IREB2: variants seen among roughly 807,000 people sequenced by gnomAD.
IREB2 encodes the protein iron-responsive element-binding protein 2.
Under a neutral mutation model 118.8 loss-of-function variants are expected in IREB2, and 39 were observed. The observed-to-expected ratio is 0.33, with a 90% CI of 0.25 to 0.43. The LOEUF is 0.43. Among genes scored for constraint, IREB2 ranks in the 20% least tolerant of loss-of-function variants. The pLI, the probability that IREB2 is intolerant of heterozygous loss-of-function variation, is 1.00. For missense variants in IREB2, 900 were observed against 1,147.3 expected, an observed-to-expected ratio of 0.78 and a Z score of 3.11; for synonymous variants, 372 against 392.2, an observed-to-expected ratio of 0.95 and a Z score of 0.61.
chr15:78,438,275 GC>G lies in IREB2; in HGVS notation c.-60del. ...GCCTGTCTTCCTCCCCGTCTTCCCTGCCCGGCCTCCCCCTTCTTCCCCCGCT... is the reference window on the plus strand; with the variant it reads ...GCCTGTCTTCCTCCCCGTCTTCCCTGCCGGCCTCCCCCTTCTTCCCCCGCT... On this transcript the variant is annotated 5_prime_UTR_variant, in exon 1 of 22. Transcript: ENST00000258886. The G allele has an allele frequency of 1.5e-6, 2 of 1,322,506 alleles. No individual in the cohort carries two copies. Among genetic ancestry groups the G allele is most frequent in the Non-Finnish European group, 2.1e-6 (2 of 936,054 alleles). 81.9% of individuals were successfully genotyped at this position (1,322,506 alleles called of 1,614,324 possible). A position where few individuals can be genotyped will look rare whatever the true frequency, so the allele number is the denominator to read the frequency against.
chr15:78,483,377 G>A lies in IREB2; in HGVS notation c.1356G>A (p.Gln452=), dbSNP rs894278700. The A allele has an allele frequency of 7.5e-6, 12 of 1,609,642 alleles. No homozygotes were observed. Among genetic ancestry groups the A allele is most frequent in the Non-Finnish European group, 1.0e-5 (12 of 1,176,124 alleles). Residue 452 remains glutamine (Q), a synonymous_variant, in exon 11 of 22, where the codon CAG becomes CAA. Transcript: ENST00000258886. ...VPSVSGPKRP[Q]DRVAVTDMKS... is the part of the protein sequence containing the mutation. ...CTGTTAGTGGTCCAAAAAGACCTCA[G>A]GATAGAGTTGCTGTGACAGATATGA...
chr15:78,465,756 TA>T (rs1413221314), intron 4 of IREB2, among the ~76,000 whole-genome samples: 1 of 152,212 alleles, frequency 6.6e-6, no homozygotes, highest in Non-Finnish European at 1.5e-5. Context: ...TTGAACTCAC[TA>T]AAGCTCTATT....
chr15:78,493,532 T>G (rs1431615551), intron 18 of IREB2, among the ~76,000 whole-genome samples: 1 of 152,196 alleles, frequency 6.6e-6, no homozygotes, highest in Non-Finnish European at 1.5e-5. Flanking sequence ...GATCCTGATT[T>G]GAACAAACCA....
Position 78,463,078 on chromosome 15 carries a change from A to G in IREB2, c.263A>G (p.Gln88Arg). The G allele has an allele frequency of 6.3e-7, 1 of 1,599,302 alleles. No homozygotes were observed. The highest frequency in any genetic ancestry group is 8.5e-7 in the Non-Finnish European group (1 of 1,175,452). ...VPFFPARVLL[Q>R]DFTGIPAMVD... ...TTTTTCCCTGCCCGTGTTCTTCTTC[A>G]AGATTTTACGTGAGTAATGGGTTTA... The change falls in exon 3 of 22, where the codon CAA (glutamine) becomes CGA (arginine). Residue 88 changes from glutamine to arginine, a missense_variant. By Grantham distance (43) the Gln-to-Arg change is conservative (BLOSUM62 1). Transcript: ENST00000258886.
At chr15:78,448,639 G>A (rs894067248) in intron 2 of IREB2, among the ~76,000 whole-genome samples, 2 of 152,212 alleles carry the variant, frequency 1.3e-5, no homozygotes, top group African/African-American at 2.4e-5. Context: ...CTGTTGCCAG[G>A]CCTGATGGGA....
In IREB2 at chr15:78,473,395, G is replaced by T. The variant is rs776091139; in HGVS notation, c.1023+14G>T. 6.2e-7 allele frequency: 1 copy of T among 1,608,982 alleles called. No homozygotes were observed. The highest frequency in any genetic ancestry group is 8.5e-7 in the Non-Finnish European group (1 of 1,176,140). On this transcript the variant is annotated intron_variant, in intron 8 of 21. Coordinates refer to ENST00000258886, the MANE Select transcript of IREB2 (RefSeq NM_004136.4). The stretch of plus-strand genomic sequence containing the variant: ...GGTATTACAAAGGTAAGTTAAAGTT[G>T]TGGTAGCTCTATGACTTACTGAACA...
chr15:78,438,281 C>G lies in IREB2; in HGVS notation c.-57C>G, dbSNP rs1050531351. 7.2e-7 allele frequency: 1 copy of G among 1,392,174 alleles called. No individual in the cohort carries two copies. The highest frequency in any genetic ancestry group is 1.4e-5 in the African/African-American group (1 of 70,674). The allele number at this position is 1,392,174 out of a possible 1,614,324, so 86.2% of individuals were successfully genotyped here. Reference sequence around the variant, plus strand: ...CTTCCTCCCCGTCTTCCCTGCCCGGCCTCCCCCTTCTTCCCCCGCTGGCCC... The same window carrying G: ...CTTCCTCCCCGTCTTCCCTGCCCGGGCTCCCCCTTCTTCCCCCGCTGGCCC... On this transcript the variant is annotated 5_prime_UTR_variant, in exon 1 of 22. Transcript: ENST00000258886.
chr15:78,478,593 C>T (rs2051515323), intron 10 of IREB2, among the ~76,000 whole-genome samples, 196 bp downstream of exon 10: 2 of 152,048 alleles, frequency 1.3e-5, no homozygotes, highest in African/African-American at 2.4e-5. Flanking sequence ...TCCCAAGTAC[C>T]TGGGAGGCTG....
At chr15:78,456,072 A>G (rs1178650711) in intron 2 of IREB2, among the ~76,000 whole-genome samples, 1 of 152,162 alleles carries the variant, frequency 6.6e-6, no homozygotes, top group African/African-American at 2.4e-5. Flanking sequence ...TTTATAGCCT[A>G]GCTTTGGAAG....
intron 2 of IREB2, among the ~76,000 whole-genome samples, chr15:78,453,156 A>G (rs981752108): frequency 2.6e-5 from 4 of 152,242 alleles, no homozygotes; most frequent in Non-Finnish European, 5.9e-5. Flanking sequence ...AAAGGTAGTC[A>G]TTACCTCTGT....
At position 78,487,718 on chromosome 15, in the gene IREB2, T is replaced by G. The variant is rs200771293; in HGVS notation, c.1710-15T>G. ...TTGTGATGTGCTATTCAGTCACTTT[T>G]TTTTTGAAATGCAGATTTGAAATCG... is the stretch of plus-strand genomic sequence containing the variant. On this transcript the variant is annotated splice_polypyrimidine_tract_variant and intron_variant, in intron 13 of 21. Transcript: ENST00000258886. 4 of 1,487,146 alleles carry G rather than the reference T, an allele frequency of 2.7e-6. No individual in the cohort carries two copies. In the Admixed American group the frequency reaches 5.1e-5, roughly 19 times the overall value. The allele number at this position is 1,487,146 out of a possible 1,614,324, so 92.1% of individuals were successfully genotyped here. A position where few individuals can be genotyped will look rare whatever the true frequency, so the allele number is the denominator to read the frequency against.
At position 78,497,999 on chromosome 15, in the gene IREB2, C is replaced by T. The variant is rs150196119; in HGVS notation, c.2782-34C>T. 76 of 1,235,076 alleles carry T rather than the reference C, an allele frequency of 6.2e-5. No individual in the cohort carries two copies. In the African/African-American group the frequency reaches 9.9e-4, roughly 16 times the overall value. 76.5% of individuals were successfully genotyped at this position (1,235,076 alleles called of 1,614,324 possible). ...CATCAAGTAGCACCTGGAAGATTTA[C>T]TTGCTCACATGAGATGTTTTTGCTC... On this transcript the variant is annotated intron_variant, in intron 21 of 21. Transcript: ENST00000258886.
At chr15:78,442,070 C>T (rs771404647) in intron 2 of IREB2, among the ~76,000 whole-genome samples, 6 of 152,014 alleles carry the variant, frequency 3.9e-5, no homozygotes, top group Non-Finnish European at 8.8e-5. Context: ...CCACACCCAG[C>T]TAGTTGTAGA....
chr15:78,465,417 C>A, intron 4 of IREB2, 29 bp downstream of exon 4: 4 of 1,576,088 alleles, frequency 2.5e-6, no homozygotes, highest in South Asian at 1.2e-5. Context: ...TTATAGACAG[C>A]CATGCAAGTT....
chr15:78,498,226 G>A lies in IREB2; in HGVS notation c.*83G>A. On this transcript the variant is annotated 3_prime_UTR_variant, in exon 22 of 22. Coordinates refer to ENST00000258886, the MANE Select transcript of IREB2 (RefSeq NM_004136.4). ...ACCCAGGAATCCTTACCATGGAGCAGCAGATAGTCCCAGTATACTCACTTA... is the reference window on the plus strand; with the variant it reads ...ACCCAGGAATCCTTACCATGGAGCAACAGATAGTCCCAGTATACTCACTTA... 1.4e-6 allele frequency: 1 copy of A among 736,712 alleles called. No homozygotes were observed. The highest frequency in any genetic ancestry group is 1.6e-5 in the South Asian group (1 of 62,934). The allele number at this position is 736,712 out of a possible 1,614,324, so 45.6% of individuals were successfully genotyped here.
chr15:78,464,103 CTT>C, intron 3 of IREB2, among the ~76,000 whole-genome samples: 1 of 152,338 alleles, frequency 6.6e-6, no homozygotes, highest in South Asian at 2.1e-4. Context: ...CCCATTCTCT[CTT>C]AACCTGGACT....
intron 2 of IREB2, among the ~76,000 whole-genome samples, chr15:78,457,666 C>T (rs767738335): frequency 6.6e-6 from 1 of 152,086 alleles, no homozygotes; most frequent in Non-Finnish European, 1.5e-5. Context: ...TGTCTCTCCT[C>T]TGTTCTGCTC....
chr15:78,468,239 T>G (rs2051317895), intron 5 of IREB2, among the ~76,000 whole-genome samples: 2 of 152,226 alleles, frequency 1.3e-5, no homozygotes, highest in East Asian at 3.9e-4. Context: ...TATCCCATTG[T>G]TAGTAAACTG....
intron 12 of IREB2, among the ~76,000 whole-genome samples, 190 bp from the exon 13 acceptor site, chr15:78,485,515 A>G (rs950336064): frequency 6.6e-6 from 1 of 152,264 alleles, no homozygotes; most frequent in Non-Finnish European, 1.5e-5. Context: ...TTTTCAACAT[A>G]AAGGCTGTAA....
Sources: gnomAD v4.1 joint callset for allele counts (sites outside exome capture counted in the v4.1 genomes callset) on GRCh38, gnomAD v4.1.1 for gene constraint, MANE v1.5 for transcripts, NCBI Gene and HGNC (gene_info 2026-07-23, HGNC 2026-07-21) for gene names.